ECHDC1: variants seen among roughly 807,000 people sequenced by gnomAD.
ECHDC1 encodes ethylmalonyl-CoA decarboxylase 1.
In ECHDC1, 29 loss-of-function variants were observed where a neutral mutation model predicts 29.7. That is an observed-to-expected ratio of 0.98 (90% confidence interval 0.73 to 1.33). The LOEUF (loss-of-function observed/expected upper bound fraction) is 1.33, where lower values mean the gene tolerates loss of function less well. ECHDC1 is among the 40% of genes most tolerant of loss of function. ECHDC1 has a pLI of 0.00. For synonymous variants in ECHDC1, 126 were observed against 123.1 expected (o/e 1.02, Z -0.15); for missense variants, 328 against 350.0 (o/e 0.94, Z 0.50).
intron 1 of ECHDC1, chr6:127,342,450 G>A: frequency 7.0e-7 from 1 of 1,425,570 alleles, no homozygotes; most frequent in South Asian, 1.4e-5. Flanking sequence ...TCGCCTTTCA[G>A]GCCAGAACCC....
intron 5 of ECHDC1, among the ~76,000 whole-genome samples, chr6:127,299,447 TA>T (rs78172720): frequency 0.053 from 3,827 of 72,682 alleles, 65 homozygotes; most frequent in East Asian, 0.16. Flanking sequence ...TAGCTTTTAA[TA>T]AAAAAAAAAA....
At chr6:127,319,655 TG>T (rs929388818) in intron 3 of ECHDC1, among the ~76,000 whole-genome samples, 3 of 152,192 alleles carry the variant, frequency 2.0e-5, no homozygotes, top group Non-Finnish European at 4.4e-5. Flanking sequence ...GAGTAAGCTG[TG>T]GGTGAGGAAC....
At chr6:127,332,284 T>C (rs933313757) in intron 1 of ECHDC1, among the ~76,000 whole-genome samples, 2 of 152,246 alleles carry the variant, frequency 1.3e-5, no homozygotes, top group Admixed American at 6.5e-5. Flanking sequence ...ATTAGTGTTA[T>C]GTGTAATCAG....
At chr6:127,311,092 G>A (rs1164986515) in intron 5 of ECHDC1, among the ~76,000 whole-genome samples, 1 of 152,154 alleles carries the variant, frequency 6.6e-6, no homozygotes, top group Non-Finnish European at 1.5e-5. Context: ...CAGTTCGTGT[G>A]ACTCACTTTA....
intron 3 of ECHDC1, among the ~76,000 whole-genome samples, chr6:127,319,787 C>G (rs1159407524): frequency 6.6e-6 from 1 of 152,152 alleles, no homozygotes; most frequent in Non-Finnish European, 1.5e-5. Context: ...TACCTGAGAT[C>G]CAACCCTACT....
At chr6:127,327,232 C>A in intron 2 of ECHDC1, 88 bp from the exon 3 acceptor site, 1 of 1,377,048 alleles carries the variant, frequency 7.3e-7, no homozygotes, top group South Asian at 1.4e-5. Context: ...GTCAAGCATA[C>A]TCTTAGGTCC....
At chr6:127,334,814 C>T (rs1784293219) in intron 1 of ECHDC1, among the ~76,000 whole-genome samples, 1 of 151,854 alleles carries the variant, frequency 6.6e-6, no homozygotes, top group Non-Finnish European at 1.5e-5. Flanking sequence ...AAGATAATCA[C>T]TCCCTTTATT....
chr6:127,291,936 AAAG>A (rs1293510538), intron 5 of ECHDC1, among the ~76,000 whole-genome samples: 3 of 152,112 alleles, frequency 2.0e-5, no homozygotes, highest in Non-Finnish European at 4.4e-5. Flanking sequence ...TGGGAGGAAA[AAAG>A]AACAAGTCTT....
intron 2 of ECHDC1, among the ~76,000 whole-genome samples, chr6:127,327,995 A>T (rs1226627603): frequency 2.0e-5 from 3 of 152,268 alleles, no homozygotes; most frequent in Admixed American, 2.0e-4. Context: ...TATAAAGATC[A>T]TAACAGCGGG....
chr6:127,289,723 G>T lies in ECHDC1; in HGVS notation c.*146C>A. ...AATTGGCAAGAAATGAGGTAAATGAGTTCAGATATTCAAATGATTAAAAGT... is the reference window on the plus strand; with the variant it reads ...AATTGGCAAGAAATGAGGTAAATGATTTCAGATATTCAAATGATTAAAAGT... On this transcript the variant is annotated 3_prime_UTR_variant, in exon 6 of 6. Coordinates refer to ENST00000454859, the MANE Select transcript of ECHDC1 (RefSeq NM_001002030.2). 2 of 841,178 alleles carry T rather than the reference G, an allele frequency of 2.4e-6. No individual in the cohort carries two copies. The highest frequency in any genetic ancestry group is 1.8e-6 in the Non-Finnish European group (1 of 568,860). The allele number at this position is 841,178 out of a possible 1,614,324, so 52.1% of individuals were successfully genotyped here.
intron 5 of ECHDC1, among the ~76,000 whole-genome samples, chr6:127,303,416 T>C (rs1398270787): frequency 2.0e-5 from 3 of 152,150 alleles, no homozygotes; most frequent in Non-Finnish European, 4.4e-5. Flanking sequence ...GAAACAGTCT[T>C]ATTGCCGATG....
chr6:127,316,441 C>T lies in ECHDC1; in HGVS notation c.416+9G>A. The T allele has an allele frequency of 6.3e-7, 1 of 1,597,870 alleles. No homozygotes were observed. The highest frequency in any genetic ancestry group is 8.5e-7 in the Non-Finnish European group (1 of 1,173,172). On this transcript the variant is annotated intron_variant, in intron 4 of 5. Transcript: ENST00000454859. ...TAGAAATCATATTTTAAAAAGAAGGCTGCATTACCTCATAAATCTTGTTAA... is the reference window on the plus strand; with the variant it reads ...TAGAAATCATATTTTAAAAAGAAGGTTGCATTACCTCATAAATCTTGTTAA...
At chr6:127,297,651 G>A (rs547567654) in intron 5 of ECHDC1, among the ~76,000 whole-genome samples, 75 of 152,292 alleles carry the variant, frequency 4.9e-4, no homozygotes, top group African/African-American at 1.8e-3. Context: ...GGTAGGCTCT[G>A]TGGGAACCTG....
At chr6:127,292,065 G>A (rs1420700111) in intron 5 of ECHDC1, among the ~76,000 whole-genome samples, 1 of 151,958 alleles carries the variant, frequency 6.6e-6, no homozygotes, top group East Asian at 1.9e-4. Flanking sequence ...TAGGAATATT[G>A]TCAATATTGA....
chr6:127,290,134 GA>G lies in ECHDC1; in HGVS notation c.640del (p.Ser214GlnfsTer5). 1 of 1,613,576 alleles carries G rather than the reference GA, an allele frequency of 6.2e-7. No homozygotes were observed. Among genetic ancestry groups the G allele is most frequent in the Non-Finnish European group, 8.5e-7 (1 of 1,179,726 alleles). ...KVLSGALKLD[S>X]KNALNIGMVE... Reference sequence around the variant, plus strand: ...CATTCCTATGTTTAGAGCATTTTTTGAATCCAGTTTAAGGGCCCCACTCAAC... The same window carrying G: ...CATTCCTATGTTTAGAGCATTTTTTGATCCAGTTTAAGGGCCCCACTCAAC... On this transcript the variant is annotated frameshift_variant, in exon 6 of 6. Coordinates refer to ENST00000454859, the MANE Select transcript of ECHDC1 (RefSeq NM_001002030.2). LOFTEE classifies it high-confidence loss of function.
rs1299227737 is a variant in ECHDC1 at position 127,303,972 on chromosome 6, C to T, written c.497+10844G>A. Among the ~76,000 whole-genome samples the T allele has an allele frequency of 2.0e-5, 3 of 152,138 alleles. No individual in the cohort carries two copies. In the East Asian group the frequency reaches 5.8e-4, roughly 29 times the overall value. On this transcript the variant is annotated intron_variant, in intron 5 of 5. Transcript: ENST00000454859. ...TTTTCCAGAGTCTAGTGGAAATCAC[C>T]ACCCTGCAGGGAAGAACACAGGCCT... is the stretch of plus-strand genomic sequence containing the variant.
intron 5 of ECHDC1, among the ~76,000 whole-genome samples, chr6:127,300,580 G>A (rs1468220810): frequency 1.3e-5 from 2 of 152,172 alleles, no homozygotes; most frequent in Non-Finnish European, 2.9e-5. Context: ...ACTGCTGGAG[G>A]AGCCACATGG....
chr6:127,303,601 A>C (rs1008595004), intron 5 of ECHDC1, among the ~76,000 whole-genome samples: 3 of 152,226 alleles, frequency 2.0e-5, no homozygotes, highest in Non-Finnish European at 4.4e-5. Context: ...ATGAGGTTTA[A>C]GGAAAGAAGT....
chr6:127,337,007 C>T (rs1250971407), intron 1 of ECHDC1, among the ~76,000 whole-genome samples: 2 of 152,180 alleles, frequency 1.3e-5, no homozygotes, highest in Non-Finnish European at 2.9e-5. Flanking sequence ...CCCAAATTCC[C>T]ACCTAAGGGG....
Sources: allele counts gnomAD v4.1 joint callset (sites outside exome capture counted in the v4.1 genomes callset), GRCh38; gene constraint gnomAD v4.1.1; transcripts MANE v1.5; gene names NCBI Gene and HGNC (gene_info 2026-07-23, HGNC 2026-07-21).